Variants in NFIC observed in about 807,000 individuals in gnomAD.
NFIC encodes nuclear factor 1 C-type.
NFIC carries 12 observed loss-of-function variants against 54.4 expected under a neutral mutation model. That is an observed-to-expected ratio of 0.22 (90% confidence interval 0.14 to 0.36). NFIC has a LOEUF of 0.36. Ranked by LOEUF, NFIC falls within the 10% of genes least tolerant of loss-of-function variation. The pLI is 1.00. For missense variants in NFIC, 575 were observed against 718.2 expected (o/e 0.80, Z 2.28); for synonymous variants, 322 against 319.2 (o/e 1.01, Z -0.09).
chr19:3,455,341 G>A (rs1278190628), intron 9 of NFIC, among the ~76,000 whole-genome samples: 1 of 151,450 alleles, frequency 6.6e-6, no homozygotes, highest in Non-Finnish European at 1.5e-5. Context: ...GCATACAGTA[G>A]ACACTTAATA....
At chr19:3,366,547 T>TGGG (rs1297245047), upstream of NFIC, 32 of 353,452 alleles carry the variant, frequency 9.1e-5, no homozygotes, top group Middle Eastern at 7.1e-4. Context: ...GGGGGGGGGT[T>TGGG]GGGGGGGGCG....
chr19:3,371,173 T>G (rs73919120), intron 1 of NFIC, among the ~76,000 whole-genome samples: 4,416 of 152,196 alleles, frequency 0.029, 209 homozygotes, highest in African/African-American at 0.099. Context: ...AGTGTTGCTG[T>G]GCTTGTGATT....
In NFIC at chr19:3,459,137, T is replaced by G. The variant is rs556520375; in HGVS notation, c.1509+2502T>G. ...GCCAGTCAGCACTTCTGCCTCCGCC[T>G]CCTCTATTCCTGGCGGATTCGCTTC... On this transcript the variant is annotated intron_variant, in intron 10 of 10. Transcript: ENST00000443272. The surrounding 1 kb of genome is among the most constrained non-coding windows in gnomAD (Gnocchi z 4.2). Among the ~76,000 whole-genome samples the G allele has an allele frequency of 6.6e-6, 1 of 152,080 alleles. No individual in the cohort carries two copies. Among genetic ancestry groups the G allele is most frequent in the African/African-American group, 2.4e-5 (1 of 41,470 alleles).
intron 2 of NFIC, among the ~76,000 whole-genome samples, chr19:3,392,585 G>A (rs1367607461): frequency 1.3e-5 from 2 of 152,214 alleles, no homozygotes; most frequent in East Asian, 1.9e-4. Context: ...CCCTCCCAGA[G>A]CCAGTGGGAG....
chr19:3,380,211 A>G (rs537913480), intron 1 of NFIC, among the ~76,000 whole-genome samples: 55 of 142,070 alleles, frequency 3.9e-4, no homozygotes, highest in East Asian at 1.1e-3. Context: ...TCACTGTGTT[A>G]GCCAGGATGG....
upstream of NFIC, among the ~76,000 whole-genome samples, chr19:3,365,443 G>C (rs1288935532): frequency 6.6e-6 from 1 of 152,206 alleles, no homozygotes; most frequent in East Asian, 1.9e-4. Context: ...AGACACAGCA[G>C]CCTCTGAGCT....
At chr19:3,383,088 G>A (rs1039424586) in intron 2 of NFIC, among the ~76,000 whole-genome samples, 5 of 152,094 alleles carry the variant, frequency 3.3e-5, no homozygotes, top group African/African-American at 1.2e-4. Context: ...GGACGGCCTT[G>A]CTGGGAGCAG....
intron 2 of NFIC, among the ~76,000 whole-genome samples, chr19:3,405,508 C>T (rs574077303): frequency 6.6e-6 from 1 of 152,282 alleles, no homozygotes; most frequent in Admixed American, 6.5e-5. Flanking sequence ...TGCTTCCCTC[C>T]TTAGAGCATC....
Position 3,452,813 on chromosome 19 carries a change from C to T in NFIC, c.1269+147C>T. 1.0e-6 allele frequency: 1 copy of T among 1,004,222 alleles called. No homozygotes were observed. The highest frequency in any genetic ancestry group is 1.6e-5 in the South Asian group (1 of 61,484). The allele number at this position is 1,004,222 out of a possible 1,614,324, so 62.2% of individuals were successfully genotyped here. The stretch of plus-strand genomic sequence containing the variant: ...TCCCCTCCTCTGTCGTGCTGGGAGG[C>T]AGCTGGATTGGGTCAGAATTGAGAT... On this transcript the variant is annotated intron_variant, in intron 8 of 10. Coordinates refer to ENST00000443272, the MANE Select transcript of NFIC (RefSeq NM_001245002.2). The surrounding 1 kb of genome is among the most constrained non-coding windows in gnomAD (Gnocchi z 5.3).
In NFIC at chr19:3,463,409, G is replaced by A. The variant is rs2082669812; in HGVS notation, c.*640G>A. ...GGCGGGCAGGGTGGGGCAGGCGAGT[G>A]GTGTCGCGGGGGTGCGTGGCGCTTG... On this transcript the variant is annotated 3_prime_UTR_variant, in exon 11 of 11. Coordinates refer to ENST00000443272, the MANE Select transcript of NFIC (RefSeq NM_001245002.2). 2.0e-6 allele frequency: 2 copies of A among 985,492 alleles called. No individual in the cohort carries two copies. Among genetic ancestry groups the A allele is most frequent in the Middle Eastern group, 5.2e-4 (1 of 1,934 alleles). The allele number at this position is 985,492 out of a possible 1,614,324, so 61.0% of individuals were successfully genotyped here.
intron 6 of NFIC, among the ~76,000 whole-genome samples, chr19:3,448,244 T>A (rs2082402096): frequency 6.6e-6 from 1 of 152,196 alleles, no homozygotes; most frequent in Non-Finnish European, 1.5e-5. Flanking sequence ...ACCTAATTTT[T>A]GTATTTTTAG....
At chr19:3,408,931 T>G (rs1025621355) in intron 2 of NFIC, among the ~76,000 whole-genome samples, 1 of 152,102 alleles carries the variant, frequency 6.6e-6, no homozygotes, top group African/African-American at 2.4e-5. Context: ...GGGGTCTTGC[T>G]ATGTGGTCCA....
intron 1 of NFIC, among the ~76,000 whole-genome samples, chr19:3,360,367 G>T (rs2080795017): frequency 6.6e-6 from 1 of 150,510 alleles, no homozygotes; most frequent in Admixed American, 6.6e-5. Context: ...CGCGCGCGGG[G>T]TCCCCAGCTG....
chr19:3,362,153 A>G (rs941497519), upstream of NFIC, among the ~76,000 whole-genome samples: 2 of 152,116 alleles, frequency 1.3e-5, no homozygotes, highest in Non-Finnish European at 2.9e-5. Flanking sequence ...GCTGTGTGTC[A>G]TTGTGATGGT....
chr19:3,427,464 G>T (rs1234210068), intron 3 of NFIC, among the ~76,000 whole-genome samples: 1 of 152,106 alleles, frequency 6.6e-6, no homozygotes, highest in East Asian at 1.9e-4. Context: ...AAAAGAAGGA[G>T]AGAGGGAGGG....
intron 2 of NFIC, among the ~76,000 whole-genome samples, chr19:3,390,030 AT>A (rs1281830085): frequency 6.6e-6 from 1 of 152,166 alleles, no homozygotes; most frequent in African/African-American, 2.4e-5. Flanking sequence ...TCCTCCCTGG[AT>A]TCTCTCCCCA....
At chr19:3,457,474 G>C (rs1451178304) in intron 10 of NFIC, among the ~76,000 whole-genome samples, 2 of 152,126 alleles carry the variant, frequency 1.3e-5, no homozygotes, top group Non-Finnish European at 2.9e-5. Context: ...CTCTGTGTAG[G>C]CCAGGAGTGT....
upstream of NFIC, among the ~76,000 whole-genome samples, chr19:3,365,229 C>T (rs549160980): frequency 2.6e-5 from 4 of 152,318 alleles, no homozygotes; most frequent in South Asian, 8.3e-4. Flanking sequence ...GCACCTGCCC[C>T]AGCTTGGTGA....
At chr19:3,440,127 G>A (rs1369398489) in intron 6 of NFIC, among the ~76,000 whole-genome samples, 1 of 152,184 alleles carries the variant, frequency 6.6e-6, no homozygotes, top group East Asian at 1.9e-4. Flanking sequence ...TATCCGCAGG[G>A]AAGATGATGG....
Sources: allele counts gnomAD v4.1 joint callset (sites outside exome capture counted in the v4.1 genomes callset), GRCh38; gene constraint gnomAD v4.1.1; non-coding constraint Gnocchi (gnomAD v3.1); transcripts MANE v1.5; gene names NCBI Gene and HGNC (gene_info 2026-07-23, HGNC 2026-07-21).